The following SRP54 variants were observed in gnomAD, a reference collection of about 807,000 sequenced individuals.
The protein encoded by SRP54 is signal recognition particle subunit SRP54.
In SRP54, 10 loss-of-function variants were observed where a neutral mutation model predicts 64.8. That is an observed-to-expected ratio of 0.15 (90% confidence interval 0.10 to 0.26). The LOEUF is 0.26. Ranked by LOEUF, SRP54 falls within the 10% of genes least tolerant of loss-of-function variation. SRP54 has a pLI of 1.00. For synonymous variants in SRP54, 193 were observed against 185.6 expected (o/e 1.04, Z -0.32); for missense variants, 325 against 613.7 (o/e 0.53, Z 4.97).
chr14:34,997,719 A>G (rs2044092378), intron 2 of SRP54, among the ~76,000 whole-genome samples: 1 of 152,222 alleles, frequency 6.6e-6, no homozygotes, highest in Non-Finnish European at 1.5e-5. Context: ...TCAGCCTCTT[A>G]TTTAACAGAA....
In SRP54 at chr14:35,021,641, A is replaced by AG. The variant is rs201886309; in HGVS notation, c.1157-1269_1157-1268insG. Among the ~76,000 whole-genome samples, 584 of 152,246 alleles carry AG rather than the reference A, an allele frequency of 3.8e-3. 6 individuals carry two copies. The highest frequency in any genetic ancestry group is 0.013 in the African/African-American group (558 of 41,542). On this transcript the variant is annotated intron_variant, in intron 13 of 15. Transcript: ENST00000216774. ...GAGCAACACTCTGTCTCAAAAAAAA[A>AG]AAAGATTTTGAAAGCCTTATTTTTT...
At chr14:35,013,522 T>A (rs2044388195) in intron 9 of SRP54, 28 bp downstream of exon 9, 35 of 1,604,832 alleles carry the variant, frequency 2.2e-5, no homozygotes, top group Non-Finnish European at 2.9e-5. Flanking sequence ...TGTTGTCCTC[T>A]GTCTTGGGAT....
At chr14:35,014,003 C>G (rs2044396865) in intron 10 of SRP54, 101 bp downstream of exon 10, 1 of 817,050 alleles carries the variant, frequency 1.2e-6, no homozygotes, top group Non-Finnish European at 1.9e-6. Flanking sequence ...TTAAGCACAT[C>G]ATTTCTTTCT....
intron 4 of SRP54, among the ~76,000 whole-genome samples, chr14:35,002,737 CTT>C (rs71121258): frequency 0.17 from 15,743 of 94,922 alleles, 1,285 homozygotes; most frequent in East Asian, 0.31. Flanking sequence ...GCCTGGCCTC[CTT>C]TTTTTTTTTT....
chr14:35,022,646 C>T (rs1414754676), intron 13 of SRP54, among the ~76,000 whole-genome samples: 2 of 152,158 alleles, frequency 1.3e-5, no homozygotes, highest in African/African-American at 2.4e-5. Context: ...TGAGCCACCA[C>T]GCCTGGCCTC....
intron 1 of SRP54, among the ~76,000 whole-genome samples, chr14:34,985,226 G>A (rs1318380267): frequency 6.6e-6 from 1 of 152,148 alleles, no homozygotes; most frequent in Non-Finnish European, 1.5e-5. Context: ...CAGCTAGTTG[G>A]AGGGATAATG....
At chr14:35,018,595 T>C (rs1313774276) in intron 11 of SRP54, 97 bp from the exon 12 acceptor site, 35 of 918,384 alleles carry the variant, frequency 3.8e-5, no homozygotes, top group Non-Finnish European at 5.0e-5. Context: ...TTTATAAATA[T>C]GCTTCAAGAT....
intron 1 of SRP54, among the ~76,000 whole-genome samples, chr14:34,985,431 T>G (rs1042399928): frequency 6.6e-6 from 1 of 152,214 alleles, no homozygotes; most frequent in Non-Finnish European, 1.5e-5. Flanking sequence ...TTTTTGCCTC[T>G]TTTTTCCTTC....
At chr14:34,998,300 A>G (rs902249773) in intron 2 of SRP54, among the ~76,000 whole-genome samples, 4 of 152,178 alleles carry the variant, frequency 2.6e-5, no homozygotes, top group Non-Finnish European at 5.9e-5. Flanking sequence ...TGAGCACTTT[A>G]TATACATGAG....
chr14:35,026,748 T>G (rs1366711100), intron 14 of SRP54, among the ~76,000 whole-genome samples: 3 of 152,016 alleles, frequency 2.0e-5, no homozygotes, highest in Non-Finnish European at 4.4e-5. Context: ...ATCGAAACCA[T>G]CCTGGCCAAA....
At chr14:35,000,650 A>C (rs1415247272) in intron 3 of SRP54, among the ~76,000 whole-genome samples, 1 of 152,128 alleles carries the variant, frequency 6.6e-6, no homozygotes, top group Non-Finnish European at 1.5e-5. Context: ...TATAAGCTGC[A>C]AGAAAAGTAA....
At chr14:35,028,263 ATAT>A in intron 15 of SRP54, 80 bp downstream of exon 15, 1 of 844,016 alleles carries the variant, frequency 1.2e-6, no homozygotes. Context: ...TTTTATTGTA[ATAT>A]TATGAAAATA....
At chr14:35,026,331 G>A (rs2044623620) in intron 14 of SRP54, among the ~76,000 whole-genome samples, 1 of 151,926 alleles carries the variant, frequency 6.6e-6, no homozygotes, top group African/African-American at 2.4e-5. Flanking sequence ...AAGCTCAAGC[G>A]ATCCTCCAAT....
chr14:35,020,762 G>C (rs2044516528), intron 13 of SRP54, among the ~76,000 whole-genome samples: 1 of 152,120 alleles, frequency 6.6e-6, no homozygotes, highest in African/African-American at 2.4e-5. Context: ...GCCAGGCACT[G>C]TCCTGAGCAC....
chr14:34,995,190 G>GTGTGTGT (rs2044053733), intron 1 of SRP54, among the ~76,000 whole-genome samples: 2 of 109,708 alleles, frequency 1.8e-5, no homozygotes, highest in Non-Finnish European at 4.3e-5. Flanking sequence ...TGTGTGTGTA[G>GTGTGTGT]AGAGAGAGAG....
chr14:35,002,486 G>A (rs2044190502), intron 4 of SRP54, among the ~76,000 whole-genome samples: 1 of 149,884 alleles, frequency 6.7e-6, no homozygotes, highest in African/African-American at 2.5e-5. Context: ...AGGCTGAAGT[G>A]CAATGGCATG....
At chr14:34,996,074 A>G (rs908908895) in intron 1 of SRP54, among the ~76,000 whole-genome samples, 6 of 152,116 alleles carry the variant, frequency 3.9e-5, no homozygotes, top group African/African-American at 1.4e-4. Context: ...CAAAAAAAAA[A>G]AAAAAAGAGT....
At chr14:35,014,194 TGG>T (rs2044400212) in intron 10 of SRP54, among the ~76,000 whole-genome samples, 2 of 151,702 alleles carry the variant, frequency 1.3e-5, no homozygotes, top group Non-Finnish European at 2.9e-5. Context: ...TGTCTCAAGG[TGG>T]TATAGTTAGA....
chr14:35,007,110 T>G (rs1450822629), intron 4 of SRP54, among the ~76,000 whole-genome samples, 173 bp from the exon 5 acceptor site: 1 of 152,106 alleles, frequency 6.6e-6, no homozygotes, highest in Non-Finnish European at 1.5e-5. Context: ...GGAGCATCAT[T>G]TGAGCCCAGG....
Sources: allele counts gnomAD v4.1 joint callset (sites outside exome capture counted in the v4.1 genomes callset), GRCh38; gene constraint gnomAD v4.1.1; transcripts MANE v1.5; gene names NCBI Gene and HGNC (gene_info 2026-07-23, HGNC 2026-07-21).